LMLN: variants seen among roughly 807,000 people sequenced by gnomAD.
LMLN encodes leishmanolysin-like peptidase.
In LMLN, 70 loss-of-function variants were observed where a neutral mutation model predicts 92.3. The ratio of observed to expected loss-of-function variants is 0.76; its 90% confidence interval spans 0.63 to 0.92. The LOEUF (loss-of-function observed/expected upper bound fraction) is 0.92. Among genes scored for constraint, LMLN ranks in the 40% least tolerant of loss-of-function variants. The pLI, the probability that LMLN is intolerant of heterozygous loss-of-function variation, is 0.00. For missense variants in LMLN, 691 were observed against 814.6 expected (o/e 0.85, Z 1.85); for synonymous variants, 308 against 296.2 (o/e 1.04, Z -0.41).
intron 8 of LMLN, among the ~76,000 whole-genome samples, chr3:197,987,097 C>G (rs1451120192): frequency 4.6e-5 from 7 of 151,626 alleles, no homozygotes; most frequent in Admixed American, 3.3e-4. Context: ...GCCTCGGCCT[C>G]CCAAAGTGTT....
At chr3:197,979,491 G>A (rs116241413) in intron 5 of LMLN, among the ~76,000 whole-genome samples, 1,841 of 152,088 alleles carry the variant, frequency 0.012, 26 homozygotes, top group Non-Finnish European at 0.021. Context: ...GACCAGCCTG[G>A]TCAATATAGT....
intron 8 of LMLN, among the ~76,000 whole-genome samples, chr3:197,990,144 C>T (rs1324535319): frequency 2.6e-5 from 4 of 152,080 alleles, no homozygotes; most frequent in South Asian, 2.1e-4. Context: ...CTTACTGCAG[C>T]GTCAACCTCC....
exon 16 of LMLN, chr3:198,043,213 C>A (rs1053443570): frequency 3.9e-5 from 6 of 152,240 alleles, no homozygotes; most frequent in African/African-American, 1.4e-4. Context: ...AGCTCTAATA[C>A]CCTCTGACTA....
At chr3:198,027,935 T>TTTG (rs979313792) in intron 14 of LMLN, among the ~76,000 whole-genome samples, 3 of 152,214 alleles carry the variant, frequency 2.0e-5, no homozygotes, top group South Asian at 2.1e-4. Context: ...AACTAGGTTT[T>TTTG]TTGTTGTTGT....
intron 1 of LMLN, among the ~76,000 whole-genome samples, chr3:197,961,516 A>G (rs572293575): frequency 1.3e-5 from 2 of 152,234 alleles, no homozygotes; most frequent in Admixed American, 6.5e-5. Context: ...ATTTTCGCTG[A>G]ATTCTTTAAA....
At chr3:197,963,808 G>T (rs1720973109) in intron 1 of LMLN, among the ~76,000 whole-genome samples, 1 of 152,184 alleles carries the variant, frequency 6.6e-6, no homozygotes, top group South Asian at 2.1e-4. Context: ...AGGACAGGCA[G>T]TTCCAGGCTG....
In LMLN at chr3:198,038,564, T is replaced by C. The variant is rs201090476; in HGVS notation, c.1868-3T>C. ...AAAGTCAGTTTTTTGTTTTCAACTC[T>C]AGATCTTTGTTCCTGTTCCTCGAGC... is the stretch of plus-strand genomic sequence containing the variant. On this transcript the variant is annotated splice_polypyrimidine_tract_variant and splice_region_variant and intron_variant, in intron 15 of 15. Transcript: ENST00000330198. The C allele has an allele frequency of 1.7e-5, 28 of 1,610,400 alleles. No homozygotes were observed. Among genetic ancestry groups the C allele is most frequent in the Non-Finnish European group, 2.4e-5 (28 of 1,176,558 alleles).
intron 14 of LMLN, among the ~76,000 whole-genome samples, chr3:198,027,270 G>A (rs950685870): frequency 6.7e-6 from 1 of 149,590 alleles, no homozygotes; most frequent in Non-Finnish European, 1.5e-5. Flanking sequence ...CCTCCAAACA[G>A]ATCACCTACC....
At chr3:197,981,811 T>G (rs890946105) in intron 6 of LMLN, among the ~76,000 whole-genome samples, 6 of 151,904 alleles carry the variant, frequency 3.9e-5, no homozygotes, top group Admixed American at 6.6e-5. Context: ...CTAGTCTTTT[T>G]TTTTTTTTTT....
chr3:197,971,430 C>T (rs1456129777), intron 1 of LMLN, among the ~76,000 whole-genome samples: 1 of 152,202 alleles, frequency 6.6e-6, no homozygotes, highest in East Asian at 1.9e-4. Flanking sequence ...GATCCAGTCA[C>T]CTCCTTCCCT....
chr3:198,006,929 T>C (rs1421826024), intron 11 of LMLN, among the ~76,000 whole-genome samples: 3 of 152,228 alleles, frequency 2.0e-5, no homozygotes, highest in Non-Finnish European at 4.4e-5. Context: ...GCCAGGCTGG[T>C]CTCGAACTCC....
Position 198,012,088 on chromosome 3 carries a change from C to T in LMLN, c.1233-7165C>T, listed in dbSNP as rs374227040. Among the ~76,000 whole-genome samples, 264 of 152,238 alleles carry T rather than the reference C, an allele frequency of 1.7e-3. 3 individuals are homozygous for T. The highest frequency in any genetic ancestry group is 0.016 in the South Asian group (75 of 4,818). ...TTTTATTTTTTAAATTTTTTTGAGA[C>T]GGAGTTTCACTCTGCCACCCAGGCT... On this transcript the variant is annotated intron_variant, in intron 11 of 15. Transcript: ENST00000330198.
chr3:197,980,447 G>A, exon 6 of LMLN: 1 of 1,614,044 alleles, frequency 6.2e-7, no homozygotes, highest in Non-Finnish European at 8.5e-7. Flanking sequence ...GAGAGATGCA[G>A]CCATGAAAAC....
rs531381246 is a variant in LMLN, at chr3:198,019,166, G to T, written c.1233-87G>T. 7.6e-6 allele frequency: 10 copies of T among 1,317,390 alleles called. No individual in the cohort carries two copies. The Admixed American group carries it at 1.7e-4, about 23-fold the overall frequency. 81.6% of individuals were successfully genotyped at this position (1,317,390 alleles called of 1,614,324 possible). A position where few individuals can be genotyped will look rare whatever the true frequency, so the allele number is the denominator to read the frequency against. ...ATGAAGGTTTGTATTTTTAGGCCAG[G>T]ATCTGGAATTCCATTTGTTGGCTGT... On this transcript the variant is annotated intron_variant, in intron 11 of 15. Coordinates refer to ENST00000330198, the Ensembl canonical transcript of LMLN. The surrounding 1 kb of genome is among the most constrained non-coding windows in gnomAD (Gnocchi z 5.5).
intron 8 of LMLN, among the ~76,000 whole-genome samples, chr3:197,988,481 CTTTTT>C: frequency 2.4e-5 from 1 of 42,036 alleles, no homozygotes; most frequent in African/African-American, 1.0e-4. Context: ...GGATTTACCC[CTTTTT>C]TTTTTTTTTT....
chr3:197,963,887 G>A (rs1444417009), intron 1 of LMLN, among the ~76,000 whole-genome samples: 3 of 152,228 alleles, frequency 2.0e-5, no homozygotes, highest in African/African-American at 4.8e-5. Context: ...TGACCATTAA[G>A]TATGATGTTA....
At chr3:198,012,249 G>A (rs1390167786) in intron 11 of LMLN, among the ~76,000 whole-genome samples, 1 of 152,070 alleles carries the variant, frequency 6.6e-6, no homozygotes, top group African/African-American at 2.4e-5. Flanking sequence ...ATTTGTAGTA[G>A]AGACGGGGTT....
chr3:197,988,913 C>T lies in LMLN; in HGVS notation c.930-1646C>T, dbSNP rs141277636. Among the ~76,000 whole-genome samples the T allele has an allele frequency of 2.0e-4, 31 of 152,218 alleles. No individual in the cohort carries two copies. The East Asian group carries it at 6.0e-3, about 29-fold the overall frequency. ...GCCAGGTTTGGTCTCATACTCCTGA[C>T]CTCTAGTGATTCGCCCATCTCGGCC... On this transcript the variant is annotated intron_variant, in intron 8 of 15. Transcript: ENST00000330198.
intron 1 of LMLN, among the ~76,000 whole-genome samples, chr3:197,973,817 T>C (rs183625602): frequency 6.6e-6 from 1 of 152,326 alleles, no homozygotes; most frequent in Non-Finnish European, 1.5e-5. Context: ...ATGAGTGAGA[T>C]AGTATACAGC....
Sources: gnomAD v4.1 joint callset for allele counts (sites outside exome capture counted in the v4.1 genomes callset) on GRCh38, gnomAD v4.1.1 for gene constraint, Gnocchi (gnomAD v3.1) non-coding constraint, MANE v1.5 for transcripts, NCBI Gene and HGNC (gene_info 2026-07-23, HGNC 2026-07-21) for gene names.